Variants in IMMP2L observed in about 807,000 individuals in gnomAD.
IMMP2L encodes inner mitochondrial membrane peptidase subunit 2.
In IMMP2L, 18 loss-of-function variants were observed where a neutral mutation model predicts 19.3. That is an observed-to-expected ratio of 0.93 (90% CI 0.64 to 1.38). IMMP2L has a LOEUF of 1.38. Ranked by LOEUF, IMMP2L falls within the 40% of genes most tolerant of loss-of-function variation. The probability of loss-of-function intolerance (pLI) is 0.00; values close to 1 mark genes in which losing one functional copy is unlikely to be tolerated. For synonymous variants in IMMP2L, 76 were observed against 73.0 expected (o/e 1.04, Z -0.21); for missense variants, 233 against 218.2 (o/e 1.07, Z -0.43).
intron 2 of IMMP2L, among the ~76,000 whole-genome samples, chr7:111,500,622 A>C (rs560742814): frequency 2.6e-5 from 4 of 152,208 alleles, no homozygotes; most frequent in Admixed American, 1.3e-4. Context: ...CAGAGGAACA[A>C]TCAGGCAGGA....
chr7:110,891,548 G>T (rs1421340568), intron 4 of IMMP2L, among the ~76,000 whole-genome samples: 1 of 152,208 alleles, frequency 6.6e-6, no homozygotes, highest in Non-Finnish European at 1.5e-5. Context: ...CCACCTTAGT[G>T]AGTCAGGACA....
chr7:110,681,382 G>T (rs1792705794), intron 5 of IMMP2L, among the ~76,000 whole-genome samples: 1 of 152,064 alleles, frequency 6.6e-6, no homozygotes, highest in South Asian at 2.1e-4. Flanking sequence ...GAAAAGTGAG[G>T]TCTTTCATTT....
intron 5 of IMMP2L, among the ~76,000 whole-genome samples, chr7:110,761,040 G>A (rs1333018943): frequency 6.6e-6 from 1 of 152,144 alleles, no homozygotes; most frequent in Non-Finnish European, 1.5e-5. Context: ...GGGAGAATGA[G>A]AGCTGTTGGT....
intron 3 of IMMP2L, among the ~76,000 whole-genome samples, chr7:111,167,618 A>G (rs1374000175): frequency 6.6e-6 from 1 of 151,914 alleles, no homozygotes; most frequent in Non-Finnish European, 1.5e-5. Flanking sequence ...GTATTGACGA[A>G]CATGCTTCCC....
intron 3 of IMMP2L, among the ~76,000 whole-genome samples, chr7:111,349,961 A>G (rs183859790): frequency 2.1e-4 from 32 of 151,734 alleles, no homozygotes; most frequent in Admixed American, 5.9e-4. Context: ...TATCAAAACA[A>G]AGATGGTCCT....
At chr7:111,372,445 T>C in intron 3 of IMMP2L, among the ~76,000 whole-genome samples, 1 of 151,948 alleles carries the variant, frequency 6.6e-6, no homozygotes, top group East Asian at 1.9e-4. Context: ...AAATATTCCT[T>C]CACCCTCCAC....
intron 3 of IMMP2L, among the ~76,000 whole-genome samples, chr7:111,292,004 C>T (rs1479000294): frequency 6.6e-6 from 1 of 152,142 alleles, no homozygotes; most frequent in Admixed American, 6.6e-5. Flanking sequence ...CTCTTTCTTG[C>T]CTGTCCCCCT....
chr7:110,940,275 C>T (rs1025842866), intron 4 of IMMP2L, among the ~76,000 whole-genome samples: 1 of 149,676 alleles, frequency 6.7e-6, no homozygotes, highest in Non-Finnish European at 1.5e-5. Flanking sequence ...GCCAAGATTG[C>T]ACCACTGCAC....
At chr7:111,189,708 T>C (rs1342951881) in intron 3 of IMMP2L, among the ~76,000 whole-genome samples, 2 of 152,150 alleles carry the variant, frequency 1.3e-5, no homozygotes, top group Non-Finnish European at 2.9e-5. Context: ...CTTCAGAGGA[T>C]TGTCATTCTT....
chr7:111,193,682 CTTCAT>C (rs530587631), intron 3 of IMMP2L, among the ~76,000 whole-genome samples: 58 of 152,140 alleles, frequency 3.8e-4, no homozygotes, highest in African/African-American at 1.3e-3. Flanking sequence ...GAAAGAGCCT[CTTCAT>C]TTAAGTGGGA....
At chr7:110,688,561 T>G (rs1361257616) in intron 5 of IMMP2L, among the ~76,000 whole-genome samples, 1 of 151,908 alleles carries the variant, frequency 6.6e-6, no homozygotes, top group Non-Finnish European at 1.5e-5. Flanking sequence ...AGTTATAAAA[T>G]AGGCTGAAAA....
At chr7:111,131,809 C>T (rs866922005) in intron 3 of IMMP2L, among the ~76,000 whole-genome samples, 14 of 151,620 alleles carry the variant, frequency 9.2e-5, no homozygotes, top group Middle Eastern at 3.4e-3. Context: ...AGAAAACATA[C>T]GAACTATATA....
intron 5 of IMMP2L, among the ~76,000 whole-genome samples, chr7:110,726,094 C>T (rs767193478): frequency 8.5e-5 from 13 of 152,282 alleles, no homozygotes; most frequent in African/African-American, 1.4e-4. Flanking sequence ...GGTCTAACCC[C>T]GGACTCTGTG....
chr7:110,729,474 C>A (rs1323676725), intron 5 of IMMP2L, among the ~76,000 whole-genome samples: 1 of 152,210 alleles, frequency 6.6e-6, no homozygotes, highest in African/African-American at 2.4e-5. Context: ...AGTCACCTCC[C>A]ACTGGGTCCC....
intron 3 of IMMP2L, among the ~76,000 whole-genome samples, chr7:111,450,014 C>A (rs1199931789): frequency 1.3e-5 from 2 of 150,564 alleles, no homozygotes; most frequent in Non-Finnish European, 3.0e-5. Context: ...GGATGTGAAG[C>A]ACCTCTTCAA....
intron 1 of IMMP2L, among the ~76,000 whole-genome samples, chr7:111,541,732 G>A (rs934062307): frequency 3.3e-5 from 5 of 152,060 alleles, no homozygotes; most frequent in African/African-American, 4.8e-5. Context: ...AAAAATATAT[G>A]AGCCATATAG....
At chr7:111,223,417 C>T (rs1812737991) in intron 3 of IMMP2L, among the ~76,000 whole-genome samples, 1 of 151,896 alleles carries the variant, frequency 6.6e-6, no homozygotes, top group East Asian at 1.9e-4. Flanking sequence ...TTTTTAAAGT[C>T]TAATTAAGCA....
At chr7:111,318,378 G>A (rs773375809) in intron 3 of IMMP2L, among the ~76,000 whole-genome samples, 56 of 152,106 alleles carry the variant, frequency 3.7e-4, no homozygotes, top group Non-Finnish European at 7.5e-4. Flanking sequence ...AGGGCTGGTG[G>A]TGAAATCTGG....
chr7:111,122,772 G>C, intron 3 of IMMP2L: 1 of 1,609,186 alleles, frequency 6.2e-7, no homozygotes, highest in African/African-American at 1.3e-5. Context: ...AGAAAGCTAA[G>C]ATGAAGGACA....
Sources: gnomAD v4.1 joint callset for allele counts (sites outside exome capture counted in the v4.1 genomes callset) on GRCh38, gnomAD v4.1.1 for gene constraint, MANE v1.5 for transcripts, NCBI Gene and HGNC (gene_info 2026-07-23, HGNC 2026-07-21) for gene names.